CPQ: variants seen among roughly 807,000 people sequenced by gnomAD.
CPQ encodes the protein Ser-Met dipeptidase.
In CPQ, 37 loss-of-function variants were observed where a neutral mutation model predicts 45.7. That is an observed-to-expected ratio of 0.81 (90% confidence interval 0.62 to 1.07). The LOEUF (loss-of-function observed/expected upper bound fraction) is 1.07, where lower values mean the gene tolerates loss of function less well. CPQ is among the 50% of genes least tolerant of loss of function. The pLI is 0.00. For synonymous variants in CPQ, 186 were observed against 205.8 expected (o/e 0.90, Z 0.82); for missense variants, 537 against 572.9 (o/e 0.94, Z 0.64).
intron 4 of CPQ, among the ~76,000 whole-genome samples, chr8:96,935,420 A>C (rs552649115): frequency 6.6e-6 from 1 of 152,310 alleles, no homozygotes; most frequent in African/African-American, 2.4e-5. Context: ...TCAGGTACCC[A>C]CCACTGAAAC....
intron 7 of CPQ, among the ~76,000 whole-genome samples, chr8:97,085,395 A>C (rs889369674): frequency 1.3e-5 from 2 of 151,824 alleles, no homozygotes; most frequent in Non-Finnish European, 2.9e-5. Flanking sequence ...AAAAAAAAAA[A>C]ACCAAAAACA....
In CPQ at chr8:96,787,525, C is replaced by CTTTTTTTTTTTTTTTTTTTTTTTTTTTTT. The variant is rs71267281; in HGVS notation, c.433+2197_433+2225dup. On this transcript the variant is annotated intron_variant, in intron 2 of 7. Transcript: ENST00000220763. ...TTGTAGTTTCATTTTCTTATAATGTCTTTTTTTTTTTTTTTTTTTTTTTTT... is the reference window on the plus strand; with the variant it reads ...TTGTAGTTTCATTTTCTTATAATGTCTTTTTTTTTTTTTTTTTTTTTTTTTTTTTTTTTTTTTTTTTTTTTTTTTTTTTT... Among the ~76,000 whole-genome samples, 42 of 47,590 alleles carry CTTTTTTTTTTTTTTTTTTTTTTTTTTTTT rather than the reference C, an allele frequency of 8.8e-4. 16 individuals are homozygous for CTTTTTTTTTTTTTTTTTTTTTTTTTTTTT. Among genetic ancestry groups the CTTTTTTTTTTTTTTTTTTTTTTTTTTTTT allele is most frequent in the East Asian group, 2.2e-3 (2 of 894 alleles). The allele number at this position is 47,590 out of a possible 152,430, so 31.2% of individuals were successfully genotyped here.
chr8:96,822,528 T>A (rs139681913), intron 2 of CPQ, among the ~76,000 whole-genome samples: 3 of 152,024 alleles, frequency 2.0e-5, no homozygotes, highest in Non-Finnish European at 4.4e-5. Context: ...CATTCTCAAT[T>A]TACATTCTCT....
chr8:96,877,714 A>G (rs758827673), intron 3 of CPQ, among the ~76,000 whole-genome samples: 38 of 152,236 alleles, frequency 2.5e-4, no homozygotes, highest in Admixed American at 1.8e-3. Context: ...TATGAGGTCA[A>G]TGCTAACATT....
chr8:96,729,415 G>A (rs944535190), intron 1 of CPQ, among the ~76,000 whole-genome samples: 2 of 152,126 alleles, frequency 1.3e-5, no homozygotes, highest in African/African-American at 4.8e-5. Flanking sequence ...TTATCTGAGT[G>A]TTTTCCTATG....
chr8:96,704,064 T>C (rs954170958), intron 1 of CPQ, among the ~76,000 whole-genome samples: 2 of 152,202 alleles, frequency 1.3e-5, no homozygotes, highest in Admixed American at 6.5e-5. Flanking sequence ...CAAGCACCTA[T>C]TATGTCCCAG....
At chr8:96,943,664 T>C (rs1427980295) in intron 4 of CPQ, among the ~76,000 whole-genome samples, 4 of 152,132 alleles carry the variant, frequency 2.6e-5, no homozygotes, top group Admixed American at 6.6e-5. Flanking sequence ...TGAAGAAACC[T>C]CCATTTTCAA....
chr8:96,702,041 T>G (rs577556003), intron 1 of CPQ, among the ~76,000 whole-genome samples: 5 of 152,202 alleles, frequency 3.3e-5, no homozygotes, highest in African/African-American at 1.2e-4. Flanking sequence ...TTCCCTTCTT[T>G]GGTGACCCAC....
intron 2 of CPQ, among the ~76,000 whole-genome samples, chr8:96,788,224 T>A (rs1810800306): frequency 6.6e-6 from 1 of 151,608 alleles, no homozygotes; most frequent in South Asian, 2.1e-4. Flanking sequence ...AATGGCACAA[T>A]CTCAGCTCAC....
intron 3 of CPQ, among the ~76,000 whole-genome samples, chr8:96,872,789 A>G (rs1480668743): frequency 6.6e-6 from 1 of 151,950 alleles, no homozygotes; most frequent in Non-Finnish European, 1.5e-5. Context: ...ACTATGGGTT[A>G]CAGAATGTAC....
chr8:96,808,331 G>A (rs1811112605), intron 2 of CPQ, among the ~76,000 whole-genome samples: 1 of 152,156 alleles, frequency 6.6e-6, no homozygotes, highest in Non-Finnish European at 1.5e-5. Context: ...GCTGCCAGGT[G>A]TCTAGGCTGG....
At chr8:96,735,689 C>T (rs547351814) in intron 1 of CPQ, among the ~76,000 whole-genome samples, 1 of 152,236 alleles carries the variant, frequency 6.6e-6, no homozygotes, top group African/African-American at 2.4e-5. Context: ...CCATAAAAAT[C>T]CACATTGTGG....
intron 1 of CPQ, among the ~76,000 whole-genome samples, chr8:96,686,798 G>A (rs1472513996): frequency 2.0e-5 from 3 of 152,038 alleles, no homozygotes; most frequent in South Asian, 2.1e-4. Flanking sequence ...TATTCCGCTA[G>A]TGAAACCAAC....
intron 1 of CPQ, among the ~76,000 whole-genome samples, chr8:96,716,680 G>A (rs1809677601): frequency 6.6e-6 from 1 of 152,080 alleles, no homozygotes; most frequent in African/African-American, 2.4e-5. Context: ...GGCTGAGATG[G>A]GCAGATCACC....
At chr8:96,954,866 T>C (rs1484070974) in intron 4 of CPQ, among the ~76,000 whole-genome samples, 1 of 152,060 alleles carries the variant, frequency 6.6e-6, no homozygotes, top group African/African-American at 2.4e-5. Context: ...TTTGTCCTTG[T>C]GATAGTTTGC....
chr8:97,044,681 T>C (rs1020607051), intron 6 of CPQ, among the ~76,000 whole-genome samples: 3 of 152,202 alleles, frequency 2.0e-5, no homozygotes, highest in African/African-American at 7.2e-5. Context: ...GTCCTTTCTG[T>C]TTGTTAGTTT....
intron 1 of CPQ, among the ~76,000 whole-genome samples, chr8:96,763,410 T>C (rs548809243): frequency 6.6e-6 from 1 of 152,320 alleles, no homozygotes; most frequent in Non-Finnish European, 1.5e-5. Context: ...AAATATGGGT[T>C]GATTTCTGCA....
chr8:96,696,965 C>G (rs1809392768), intron 1 of CPQ, among the ~76,000 whole-genome samples: 1 of 152,110 alleles, frequency 6.6e-6, no homozygotes, highest in South Asian at 2.1e-4. Context: ...CAGTGCTACT[C>G]AAACTAGTCC....
chr8:96,830,120 T>C (rs1811434517), intron 2 of CPQ, among the ~76,000 whole-genome samples: 2 of 152,120 alleles, frequency 1.3e-5, no homozygotes, highest in African/African-American at 4.8e-5. Flanking sequence ...ATTAGAAGAT[T>C]ATGTGATAAG....
Sources: gnomAD v4.1 joint callset for allele counts (sites outside exome capture counted in the v4.1 genomes callset) on GRCh38, gnomAD v4.1.1 for gene constraint, MANE v1.5 for transcripts, NCBI Gene and HGNC (gene_info 2026-07-23, HGNC 2026-07-21) for gene names.